RANBP2: variants seen among roughly 807,000 people sequenced by gnomAD.
The protein encoded by RANBP2 is E3 SUMO-protein ligase RanBP2.
Under a neutral mutation model 303.6 loss-of-function variants are expected in RANBP2, and 57 were observed. The ratio of observed to expected loss-of-function variants is 0.19; its 90% CI spans 0.15 to 0.23. The LOEUF (loss-of-function observed/expected upper bound fraction) is 0.23. Ranked by LOEUF, RANBP2 falls within the 10% of genes least tolerant of loss-of-function variation. The pLI is 1.00. For missense variants in RANBP2, 3,138 were observed against 3,780.8 expected (o/e 0.83, Z 4.46); for synonymous variants, 1,167 against 1,301.5 (o/e 0.90, Z 2.23).
the RANBP2 span, among the ~76,000 whole-genome samples, chr2:109,708,310 T>C: frequency 1.3e-5 from 2 of 151,698 alleles, no homozygotes; most frequent in Admixed American, 6.6e-5. Flanking sequence ...CAGTGAGCTA[T>C]GATCACACCA....
At chr2:108,962,411 C>T in the RANBP2 span, among the ~76,000 whole-genome samples, 2 of 152,064 alleles carry the variant, frequency 1.3e-5, no homozygotes, top group Non-Finnish European at 2.9e-5. Context: ...CGGTGGCTCA[C>T]GCCTGTAATC....
the RANBP2 span, among the ~76,000 whole-genome samples, chr2:109,392,590 G>C: frequency 6.6e-6 from 1 of 152,036 alleles, no homozygotes; most frequent in East Asian, 1.9e-4. Flanking sequence ...CTCACTGCAA[G>C]CTCAAGCTCC....
the RANBP2 span, among the ~76,000 whole-genome samples, chr2:109,304,101 CAA>C: frequency 1.6e-5 from 2 of 128,802 alleles, no homozygotes. Flanking sequence ...AACTCCATCT[CAA>C]AAAAAAAAAA....
chr2:108,877,244 G>A, the RANBP2 span, among the ~76,000 whole-genome samples: 1 of 151,920 alleles, frequency 6.6e-6, no homozygotes, highest in South Asian at 2.1e-4. Context: ...GAGGTGGGCG[G>A]ATCACCTAAG....
chr2:109,393,950 C>T, the RANBP2 span, among the ~76,000 whole-genome samples: 528 of 152,134 alleles, frequency 3.5e-3, 1 homozygote, highest in African/African-American at 0.012. Flanking sequence ...CTGGCGCTGT[C>T]GTGGACCCAG....
the RANBP2 span, among the ~76,000 whole-genome samples, chr2:109,099,100 G>A: frequency 6.6e-6 from 1 of 152,184 alleles, no homozygotes; most frequent in African/African-American, 2.4e-5. Context: ...AGTGGAACAG[G>A]AATGTATACC....
Position 108,772,898 on chromosome 2 carries a change from A to T in RANBP2, c.8144A>T (p.Glu2715Val). 1 of 1,613,976 alleles carries T rather than the reference A, an allele frequency of 6.2e-7. No homozygotes were observed. The highest frequency in any genetic ancestry group is 8.5e-7 in the Non-Finnish European group (1 of 1,179,934). Residue 2715 changes from glutamate (E) to valine (V), a missense_variant, in exon 23 of 29, where the codon GAA becomes GTA. By Grantham distance (121) the Glu-to-Val change is moderately radical. Around this residue, in one of 20 missense-constraint regions of RANBP2, gnomAD observed 497 missense variants for 465.8 expected, o/e 1.07. Transcript: ENST00000283195. ...DNEKECIIVW[E>V]KKPTVEEKAK... The stretch of plus-strand genomic sequence containing the variant: ...GAGAAAGAATGTATTATTGTTTGGG[A>T]AAAGAAACCAACAGTTGAAGAGAAG...
chr2:109,154,202 G>A, the RANBP2 span, among the ~76,000 whole-genome samples: 2 of 152,324 alleles, frequency 1.3e-5, no homozygotes, highest in East Asian at 3.9e-4. Flanking sequence ...GGTCTAATCA[G>A]GCCTAGCATC....
chr2:109,634,238 G>A, the RANBP2 span, among the ~76,000 whole-genome samples: 3 of 149,840 alleles, frequency 2.0e-5, no homozygotes, highest in East Asian at 2.0e-4. Flanking sequence ...ACCAGTCACC[G>A]ATCAGGAAGT....
At chr2:108,819,266 G>C in the RANBP2 span, among the ~76,000 whole-genome samples, 2 of 152,196 alleles carry the variant, frequency 1.3e-5, no homozygotes, top group African/African-American at 2.4e-5. Flanking sequence ...GTGGCATTTT[G>C]CATGTGTGTT....
At chr2:108,773,662 G>A (rs200376464) in intron 23 of RANBP2, among the ~76,000 whole-genome samples, 2 of 149,186 alleles carry the variant, frequency 1.3e-5, no homozygotes, top group East Asian at 2.0e-4. Flanking sequence ...TTTTTTTTTG[G>A]GGGGGGATGG....
the RANBP2 span, among the ~76,000 whole-genome samples, chr2:109,118,125 G>T: frequency 1.3e-5 from 2 of 152,198 alleles, no homozygotes; most frequent in Admixed American, 1.3e-4. Flanking sequence ...CAGCCTTTGG[G>T]CTGAGTGGAA....
chr2:109,334,027 C>T, the RANBP2 span, among the ~76,000 whole-genome samples: 3 of 152,202 alleles, frequency 2.0e-5, no homozygotes, highest in East Asian at 5.8e-4. Flanking sequence ...TAGGAAAGTC[C>T]AGTCGCTTCC....
chr2:109,469,010 C>T, the RANBP2 span, among the ~76,000 whole-genome samples: 1 of 151,266 alleles, frequency 6.6e-6, no homozygotes, highest in East Asian at 1.9e-4. Context: ...TTCTAAAGGG[C>T]TCCAGCCACC....
chr2:109,240,190 G>C, the RANBP2 span, among the ~76,000 whole-genome samples: 1 of 152,184 alleles, frequency 6.6e-6, no homozygotes, highest in Non-Finnish European at 1.5e-5. Context: ...CTGGGCCTCA[G>C]TTTTCTCACA....
chr2:109,039,644 C>T, the RANBP2 span, among the ~76,000 whole-genome samples: 2 of 152,166 alleles, frequency 1.3e-5, no homozygotes, highest in African/African-American at 2.4e-5. Flanking sequence ...CCACTGTGCC[C>T]GGCCTTCAGA....
chr2:109,357,537 C>CT, the RANBP2 span, among the ~76,000 whole-genome samples: 2 of 152,198 alleles, frequency 1.3e-5, no homozygotes, highest in Admixed American at 6.5e-5. Flanking sequence ...TCCTGTGCCT[C>CT]TGACAGTTAC....
chr2:109,479,170 C>T, the RANBP2 span, among the ~76,000 whole-genome samples: 4 of 152,282 alleles, frequency 2.6e-5, no homozygotes, highest in South Asian at 4.2e-4. Flanking sequence ...AGTGAGTGCA[C>T]GGCCTGCCCT....
chr2:109,466,990 AAGAG>A, the RANBP2 span, among the ~76,000 whole-genome samples: 2,543 of 152,304 alleles, frequency 0.017, 36 homozygotes, highest in Middle Eastern at 0.051. Flanking sequence ...TACTCTGTGA[AAGAG>A]AGAAAGAGGC....
Sources: gnomAD v4.1 joint callset for allele counts (sites outside exome capture counted in the v4.1 genomes callset) on GRCh38, gnomAD v4.1.1 for gene constraint, gnomAD v4.1.1 regional missense constraint, MANE v1.5 for transcripts, NCBI Gene and HGNC (gene_info 2026-07-23, HGNC 2026-07-21) for gene names.